BTRC: variants seen among roughly 807,000 people sequenced by gnomAD.
The protein encoded by BTRC is beta-transducin repeat containing E3 ubiquitin protein ligase.
A neutral mutation model predicts 85.5 loss-of-function variants in BTRC; 42 were observed. The ratio of observed to expected loss-of-function variants is 0.49; its 90% confidence interval spans 0.38 to 0.64. The LOEUF is 0.64. Among genes scored for constraint, BTRC ranks in the 30% least tolerant of loss-of-function variants. The probability of loss-of-function intolerance (pLI) is 0.00; values close to 1 mark genes in which losing one functional copy is unlikely to be tolerated. For synonymous variants in BTRC, 255 were observed against 263.3 expected, an observed-to-expected ratio of 0.97 and a Z score of 0.30; for missense variants, 594 against 743.5, an observed-to-expected ratio of 0.80 and a Z score of 2.34.
intron 4 of BTRC, among the ~76,000 whole-genome samples, chr10:101,485,512 G>C (rs569576544): frequency 3.4e-4 from 52 of 152,278 alleles, no homozygotes; most frequent in African/African-American, 1.1e-3. Flanking sequence ...AATATAGACA[G>C]AATATAGACA....
Position 101,461,891 on chromosome 10 carries a change from C to T in BTRC, c.157-90C>T, listed in dbSNP as rs1945235345. On this transcript the variant is annotated intron_variant, in intron 2 of 14. Coordinates refer to ENST00000370187, the MANE Select transcript of BTRC (RefSeq NM_033637.4). ...TTGTATAAATATATGTATGTTCTAA[C>T]TTACAGAATTAGAAATGTAATTCAG... The T allele has an allele frequency of 4.3e-6, 4 of 935,256 alleles. No individual in the cohort carries two copies. In the Admixed American group the frequency reaches 8.6e-5, roughly 20 times the overall value. 57.9% of individuals were successfully genotyped at this position (935,256 alleles called of 1,614,324 possible).
chr10:101,380,248 T>G (rs1214719969), intron 1 of BTRC, among the ~76,000 whole-genome samples: 1 of 152,212 alleles, frequency 6.6e-6, no homozygotes, highest in Non-Finnish European at 1.5e-5. Flanking sequence ...TCTACTTTTG[T>G]ACCTCAAAGA....
At chr10:101,501,934 C>T (rs750390029) in intron 4 of BTRC, among the ~76,000 whole-genome samples, 10 of 152,106 alleles carry the variant, frequency 6.6e-5, no homozygotes, top group Non-Finnish European at 1.3e-4. Flanking sequence ...GTTAAACAAA[C>T]AAACAAACCA....
At chr10:101,423,816 T>C (rs985129891) in intron 1 of BTRC, among the ~76,000 whole-genome samples, 6 of 152,238 alleles carry the variant, frequency 3.9e-5, no homozygotes, top group Non-Finnish European at 8.8e-5. Flanking sequence ...GTGCCCACTT[T>C]GGTAATGAAA....
chr10:101,536,460 A>G, intron 11 of BTRC, 83 bp from the exon 12 acceptor site: 4 of 922,642 alleles, frequency 4.3e-6, no homozygotes, highest in East Asian at 2.4e-5. Flanking sequence ...AATTTTTAGA[A>G]GGCATATGAG....
chr10:101,366,798 T>TTA lies in BTRC; in HGVS notation c.48+12580_48+12581dup, dbSNP rs1261418355. On this transcript the variant is annotated intron_variant, in intron 1 of 14. Coordinates refer to ENST00000370187, the MANE Select transcript of BTRC (RefSeq NM_033637.4). ...TATATATATATATATATTTTTACATTTATATATATATTTATATATATTAAT... is the reference window on the plus strand; with the variant it reads ...TATATATATATATATATTTTTACATTTATATATATATATTTATATATATTAAT... Among the ~76,000 whole-genome samples the TTA allele has an allele frequency of 3.1e-3, 269 of 87,786 alleles. 24 individuals are homozygous for TTA. The East Asian group carries it at 0.053, about 17-fold the overall frequency. 57.6% of individuals were successfully genotyped at this position (87,786 alleles called of 152,430 possible). A position where few individuals can be genotyped will look rare whatever the true frequency, so the allele number is the denominator to read the frequency against.
intron 1 of BTRC, among the ~76,000 whole-genome samples, chr10:101,420,065 T>TC (rs1944057857): frequency 6.6e-6 from 1 of 151,908 alleles, no homozygotes; most frequent in African/African-American, 2.4e-5. Context: ...TGTACATATA[T>TC]ATATATATAT....
At position 101,387,528 on chromosome 10, in the gene BTRC, C is replaced by CTTTTTTTTTTTTTTTTTTTTTTTTTTTTT. The variant is rs535656002; in HGVS notation, c.48+33318_48+33319insTTTTTTTTTTTTTTTTTTTTTTTTTTTTT. ...TGTGGCTTTTTATACCTTCATGGGA[C>CTTTTTTTTTTTTTTTTTTTTTTTTTTTTT]TTTTTTTTTTTTTTTTTTGAGATAG... On this transcript the variant is annotated intron_variant, in intron 1 of 14. Transcript: ENST00000370187. Among the ~76,000 whole-genome samples, 162 of 45,062 alleles carry CTTTTTTTTTTTTTTTTTTTTTTTTTTTTT rather than the reference C, an allele frequency of 3.6e-3. 46 individuals carry two copies. Among genetic ancestry groups the CTTTTTTTTTTTTTTTTTTTTTTTTTTTTT allele is most frequent in the East Asian group, 7.7e-3 (6 of 782 alleles). 29.6% of individuals were successfully genotyped at this position (45,062 alleles called of 152,430 possible).
chr10:101,501,033 A>G (rs569770410), intron 4 of BTRC, among the ~76,000 whole-genome samples: 1 of 152,246 alleles, frequency 6.6e-6, no homozygotes, highest in African/African-American at 2.4e-5. Context: ...CGCCTCCACT[A>G]AAAATACAAA....
intron 5 of BTRC, among the ~76,000 whole-genome samples, chr10:101,522,359 AAAAAAAAC>A (rs1380235468): frequency 1.4e-5 from 1 of 71,448 alleles, no homozygotes; most frequent in South Asian, 4.0e-4. Flanking sequence ...CTTTAAAAAA[AAAAAAAAC>A]AAAAAAAAAC....
intron 3 of BTRC, among the ~76,000 whole-genome samples, chr10:101,467,345 T>TC (rs35070682): frequency 0.34 from 50,037 of 145,710 alleles, 9,714 homozygotes; most frequent in Middle Eastern, 0.46. Context: ...TTTTTTTTTT[T>TC]CTCTCTATTT....
At chr10:101,505,148 T>TATAC (rs1946495831) in intron 4 of BTRC, among the ~76,000 whole-genome samples, 1 of 116,876 alleles carries the variant, frequency 8.6e-6, no homozygotes, top group Non-Finnish European at 1.9e-5. Flanking sequence ...TGTATATATA[T>TATAC]ATGTATATGT....
At chr10:101,411,858 A>G (rs1943788976) in intron 1 of BTRC, among the ~76,000 whole-genome samples, 1 of 152,172 alleles carries the variant, frequency 6.6e-6, no homozygotes, top group East Asian at 1.9e-4. Context: ...AATCTTTTTA[A>G]AAGGATGTTG....
intron 4 of BTRC, among the ~76,000 whole-genome samples, chr10:101,495,580 G>A (rs1249712098): frequency 6.6e-6 from 1 of 152,176 alleles, no homozygotes; most frequent in Non-Finnish European, 1.5e-5. Flanking sequence ...TTGTCTGTAT[G>A]TGGCCATAGG....
rs547539655 is a variant in BTRC, at chr10:101,490,518, C to T, written c.324+11061C>T. Among the ~76,000 whole-genome samples, 12 of 152,284 alleles carry T rather than the reference C, an allele frequency of 7.9e-5. No homozygotes were observed. The East Asian group carries it at 2.3e-3, about 29-fold the overall frequency. On this transcript the variant is annotated intron_variant, in intron 4 of 14. Transcript: ENST00000370187. ...TTAAATGATAGAGTCAAGTTTTGAA[C>T]TAAGATCTGACTTCAGAGTTCTTGC...
At chr10:101,552,469 C>T (rs1158930603) in intron 14 of BTRC, among the ~76,000 whole-genome samples, 2 of 151,258 alleles carry the variant, frequency 1.3e-5, no homozygotes, top group Admixed American at 1.3e-4. Flanking sequence ...ACTGGGATTA[C>T]AGGTGTGAGC....
rs146310321 is a variant in BTRC, at chr10:101,451,476, T to C, written c.157-10505T>C. Among the ~76,000 whole-genome samples, 34 of 152,340 alleles carry C rather than the reference T, an allele frequency of 2.2e-4. No homozygotes were observed. The East Asian group carries it at 6.4e-3, about 28-fold the overall frequency. ...CTATCTAGGGAGTTCTTCTAAATACTGAATGTGTCATGCGCTTTGACATAA... is the reference window on the plus strand; with the variant it reads ...CTATCTAGGGAGTTCTTCTAAATACCGAATGTGTCATGCGCTTTGACATAA... On this transcript the variant is annotated intron_variant, in intron 2 of 14. Coordinates refer to ENST00000370187, the MANE Select transcript of BTRC (RefSeq NM_033637.4).
chr10:101,354,248 C>G lies in BTRC; in HGVS notation c.48+20C>G. On this transcript the variant is annotated intron_variant, in intron 1 of 14. Transcript: ENST00000370187. ...TTTATGGTGAGGAGACGGTGGAGGC[C>G]GGGGAACGGTGGAGGCGCTGGCGTT... 1 of 1,548,390 alleles carries G rather than the reference C, an allele frequency of 6.5e-7. No individual in the cohort carries two copies. The highest frequency in any genetic ancestry group is 8.7e-7 in the Non-Finnish European group (1 of 1,146,290).
chr10:101,367,018 T>TA (rs1942469990), intron 1 of BTRC, among the ~76,000 whole-genome samples: 1 of 64,826 alleles, frequency 1.5e-5, no homozygotes, highest in Non-Finnish European at 3.0e-5. Context: ...ATATATATAT[T>TA]TATATTTATA....
Sources: gnomAD v4.1 joint callset for allele counts (sites outside exome capture counted in the v4.1 genomes callset) on GRCh38, gnomAD v4.1.1 for gene constraint, MANE v1.5 for transcripts, NCBI Gene and HGNC (gene_info 2026-07-23, HGNC 2026-07-21) for gene names.